The following TMCC3 variants were observed in gnomAD, a reference collection of about 807,000 sequenced individuals.
The protein encoded by TMCC3 is transmembrane and coiled-coil domain family 3, also known as transmembrane and coiled-coil domain protein 3.
A neutral mutation model predicts 40.2 loss-of-function variants in TMCC3; 28 were observed. The observed-to-expected ratio is 0.70, with a 90% confidence interval of 0.52 to 0.95. The LOEUF (loss-of-function observed/expected upper bound fraction) is 0.95. Among genes scored for constraint, TMCC3 ranks in the 40% least tolerant of loss-of-function variants. The probability of loss-of-function intolerance (pLI) is 0.00; values close to 1 mark genes in which losing one functional copy is unlikely to be tolerated. For missense variants in TMCC3, 554 were observed against 615.2 expected, an observed-to-expected ratio of 0.90 and a Z score of 1.05; for synonymous variants, 255 against 248.5, an observed-to-expected ratio of 1.03 and a Z score of -0.25.
intron 1 of TMCC3, among the ~76,000 whole-genome samples, chr12:94,642,547 G>T (rs1266935042): frequency 6.6e-6 from 1 of 152,204 alleles, no homozygotes; most frequent in African/African-American, 2.4e-5. Context: ...TTTACAATCA[G>T]CCATTTAAAA....
At position 94,573,177 on chromosome 12, in the gene TMCC3, C is replaced by T. The variant is rs904125873; in HGVS notation, c.1132-1440G>A. Among the ~76,000 whole-genome samples the T allele has an allele frequency of 4.6e-5, 7 of 152,018 alleles. 1 individual carries two copies. The highest frequency in any genetic ancestry group is 7.3e-5 in the African/African-American group (3 of 41,370). On this transcript the variant is annotated intron_variant, in intron 3 of 3. Transcript: ENST00000261226. ...GTACAGCACCATGATCCACCCAGTT[C>T]CTCATACCAGAAGCCTAACGGGCAT...
Position 94,570,419 on chromosome 12 carries a change from T to A in TMCC3, c.*1016A>T, listed in dbSNP as rs1016587217. On this transcript the variant is annotated 3_prime_UTR_variant, in exon 4 of 4. Transcript: ENST00000261226. ...AGACCTGTGAATAAGATGAATCACA[T>A]AAAGTGAATCATATCCTCCAGGGGG... The A allele has an allele frequency of 1.3e-5, 2 of 152,150 alleles. No homozygotes were observed. Among genetic ancestry groups the A allele is most frequent in the Non-Finnish European group, 2.9e-5 (2 of 68,030 alleles). The allele number at this position is 152,150 out of a possible 1,614,324, so 9.4% of individuals were successfully genotyped here.
rs2069049439 is a variant in TMCC3 at position 94,650,359 on chromosome 12, C to T, written c.72G>A (p.Lys24=). Residue 24 remains lysine (K), a synonymous_variant, in exon 1 of 4, where the codon AAG becomes AAA. Coordinates refer to ENST00000261226, the MANE Select transcript of TMCC3 (RefSeq NM_020698.4). ...CCCAGCCCGCTGCGCTCACCCGGCT[C>T]TTGCAGCGGTGGTGCCGGCCGGGGT... ...YSYPGRHHRC[K]SRVERHDMNT... 9.8e-6 allele frequency: 13 copies of T among 1,328,052 alleles called. No homozygotes were observed. The highest frequency in any genetic ancestry group is 1.3e-5 in the Non-Finnish European group (13 of 1,033,546). 82.3% of individuals were successfully genotyped at this position (1,328,052 alleles called of 1,614,324 possible).
intron 2 of TMCC3, among the ~76,000 whole-genome samples, chr12:94,578,933 T>C (rs1277282912): frequency 2.0e-5 from 3 of 152,200 alleles, no homozygotes; most frequent in Non-Finnish European, 2.9e-5. Flanking sequence ...GCCCTGACAC[T>C]GCTGTTGGGG....
intron 1 of TMCC3, among the ~76,000 whole-genome samples, chr12:94,597,124 CATATATATAT>C (rs869220054): frequency 5.4e-4 from 16 of 29,836 alleles, no homozygotes; most frequent in East Asian, 1.4e-3. Flanking sequence ...TATTAAAATA[CATATATATAT>C]ATATATATAT....
At chr12:94,642,949 T>C (rs376452712) in intron 1 of TMCC3, among the ~76,000 whole-genome samples, 4 of 152,078 alleles carry the variant, frequency 2.6e-5, no homozygotes, top group African/African-American at 9.7e-5. Flanking sequence ...TCCCAGCACT[T>C]TGGGAGGCCG....
At chr12:94,639,467 C>T (rs1258831008) in intron 1 of TMCC3, among the ~76,000 whole-genome samples, 1 of 152,020 alleles carries the variant, frequency 6.6e-6, no homozygotes, top group East Asian at 1.9e-4. Flanking sequence ...CCTGTAGTTC[C>T]AGCTACTGGG....
chr12:94,587,949 C>G (rs2068647828), intron 1 of TMCC3, among the ~76,000 whole-genome samples: 1 of 152,222 alleles, frequency 6.6e-6, no homozygotes, highest in African/African-American at 2.4e-5. Context: ...GATCCGCCTA[C>G]TGAAACGCCA....
rs1405934765 is a variant in TMCC3, at chr12:94,571,480, C to T, written c.1389G>A (p.Trp463Ter). The change falls in exon 4 of 4, where the codon TGG (tryptophan) becomes TGA (stop). Residue 463 changes from tryptophan (W) to a stop codon, truncating the protein, a stop_gained. Coordinates refer to ENST00000261226, the MANE Select transcript of TMCC3 (RefSeq NM_020698.4). LOFTEE classifies it high-confidence loss of function. The stretch of plus-strand genomic sequence containing the variant: ...TTTCTATGGCACACAGGATATGGTC[C>T]CAGTTTTTACAAAATATAGCAAGAA... Reference protein sequence around the residue: ...VTLLAIFCKNWDHILCAIERM... With the variant: ...VTLLAIFCKN 1.2e-6 allele frequency: 2 copies of T among 1,613,864 alleles called. No homozygotes were observed. Among genetic ancestry groups the T allele is most frequent in the South Asian group, 1.1e-5 (1 of 91,086 alleles).
chr12:94,604,846 A>G (rs1005465129), intron 1 of TMCC3, among the ~76,000 whole-genome samples: 2 of 151,088 alleles, frequency 1.3e-5, no homozygotes, highest in Non-Finnish European at 2.9e-5. Flanking sequence ...TACTATAGGA[A>G]CCAAGGGGAG....
intron 1 of TMCC3, among the ~76,000 whole-genome samples, chr12:94,621,681 A>C (rs1206408727): frequency 2.0e-5 from 3 of 152,214 alleles, no homozygotes; most frequent in African/African-American, 7.2e-5. Context: ...CAAGAAGTTT[A>C]AGTGATTTCA....
chr12:94,597,097 C>T (rs1024437850), intron 1 of TMCC3, among the ~76,000 whole-genome samples: 28 of 145,482 alleles, frequency 1.9e-4, no homozygotes, highest in South Asian at 2.2e-4. Context: ...CTGGGCAACA[C>T]AGTAAGTCAC....
chr12:94,627,553 T>C (rs2068910361), intron 1 of TMCC3, among the ~76,000 whole-genome samples: 2 of 152,146 alleles, frequency 1.3e-5, no homozygotes, highest in Admixed American at 1.3e-4. Flanking sequence ...CTCAACTCCC[T>C]GCTCACACTG....
At chr12:94,576,152 C>A (rs770150992) in intron 3 of TMCC3, among the ~76,000 whole-genome samples, 10 of 152,094 alleles carry the variant, frequency 6.6e-5, no homozygotes, top group Non-Finnish European at 1.5e-4. Flanking sequence ...GTCTCTTAAT[C>A]CAGAACAGGG....
At chr12:94,610,443 A>ATT (rs1291853702) in intron 1 of TMCC3, among the ~76,000 whole-genome samples, 10 of 146,962 alleles carry the variant, frequency 6.8e-5, no homozygotes, top group African/African-American at 2.2e-4. Context: ...AAAAAAAAAA[A>ATT]TTTTTTTTTC....
At chr12:94,631,305 T>C (rs575881727) in intron 1 of TMCC3, among the ~76,000 whole-genome samples, 1 of 152,244 alleles carries the variant, frequency 6.6e-6, no homozygotes, top group East Asian at 1.9e-4. Context: ...CTCTTAAAAA[T>C]TCATACTGAA....
chr12:94,645,338 C>T (rs143237674), intron 1 of TMCC3, among the ~76,000 whole-genome samples: 10 of 152,282 alleles, frequency 6.6e-5, no homozygotes, highest in East Asian at 5.8e-4. Context: ...GCAGCCTTTC[C>T]GTTTCTAAGC....
intron 3 of TMCC3, among the ~76,000 whole-genome samples, chr12:94,574,374 TA>T (rs2068551130): frequency 7.0e-6 from 1 of 142,622 alleles, no homozygotes; most frequent in African/African-American, 2.6e-5. Context: ...GGCAACACAG[TA>T]AGACGGTCTC....
intron 1 of TMCC3, among the ~76,000 whole-genome samples, chr12:94,607,750 A>G (rs1008932795): frequency 2.6e-5 from 4 of 152,204 alleles, no homozygotes; most frequent in Non-Finnish European, 5.9e-5. Context: ...TGCTAACTAC[A>G]TAACAGTATT....
Sources: allele counts gnomAD v4.1 joint callset (sites outside exome capture counted in the v4.1 genomes callset), GRCh38; gene constraint gnomAD v4.1.1; transcripts MANE v1.5; gene names NCBI Gene and HGNC (gene_info 2026-07-23, HGNC 2026-07-21).